The following BCR variants were observed in gnomAD, a reference collection of about 807,000 sequenced individuals.
The protein encoded by BCR is BCR activator of RhoGEF and GTPase.
In BCR, 58 loss-of-function variants were observed where a neutral mutation model predicts 138.6. The observed-to-expected ratio is 0.42, with a 90% CI of 0.34 to 0.52. BCR has a LOEUF of 0.52. BCR is among the 20% of genes least tolerant of loss of function. The pLI is 0.06. For missense variants in BCR, 1,599 were observed against 1,727.2 expected (o/e 0.93, Z 1.32); for synonymous variants, 786 against 730.1 (o/e 1.08, Z -1.23).
At chr22:23,188,536 A>G (rs1201448657) in intron 1 of BCR, among the ~76,000 whole-genome samples, 2 of 152,204 alleles carry the variant, frequency 1.3e-5, no homozygotes, top group African/African-American at 4.8e-5. Flanking sequence ...ACAGCAGTGC[A>G]TGAGGCCCAG....
At chr22:23,222,129 C>G (rs2072831699) in intron 1 of BCR, among the ~76,000 whole-genome samples, 2 of 152,268 alleles carry the variant, frequency 1.3e-5, no homozygotes, top group South Asian at 2.1e-4. Flanking sequence ...TAGCCCTCCC[C>G]GTCTTCTCAC....
intron 1 of BCR, among the ~76,000 whole-genome samples, chr22:23,226,939 T>C (rs556720618): frequency 3.7e-4 from 57 of 152,306 alleles, no homozygotes; most frequent in African/African-American, 1.4e-3. Flanking sequence ...AAGTTAGACT[T>C]GCTTGGTTCA....
chr22:23,254,843 G>A (rs140500), intron 2 of BCR, among the ~76,000 whole-genome samples: 28,329 of 152,020 alleles, frequency 0.19, 2,871 homozygotes, highest in South Asian at 0.27. Context: ...GATTACTTCC[G>A]CACTCTGCTT....
intron 17 of BCR, 129 bp downstream of exon 17, chr22:23,309,612 G>A (rs1488432603): frequency 1.3e-5 from 9 of 703,178 alleles, no homozygotes; most frequent in East Asian, 2.7e-5. Flanking sequence ...GTTGGAGAAG[G>A]GAGGGCCCCC....
At chr22:23,259,447 G>A (rs547261604) in intron 2 of BCR, among the ~76,000 whole-genome samples, 37 of 152,056 alleles carry the variant, frequency 2.4e-4, no homozygotes, top group African/African-American at 7.7e-4. Flanking sequence ...TAGAAGGACC[G>A]CTTGAGCTCA....
chr22:23,228,585 A>T (rs887067982), intron 1 of BCR, among the ~76,000 whole-genome samples: 1 of 152,206 alleles, frequency 6.6e-6, no homozygotes, highest in African/African-American at 2.4e-5. Context: ...TCATCTGAGA[A>T]GGTCTTTATT....
intron 1 of BCR, among the ~76,000 whole-genome samples, chr22:23,200,531 A>C (rs755496898): frequency 5.3e-5 from 8 of 151,758 alleles, no homozygotes; most frequent in Non-Finnish European, 1.2e-4. Context: ...TGCCCAGGCT[A>C]CAAGAGGACT....
chr22:23,262,779 G>T (rs891218647), intron 4 of BCR: 2 of 958,190 alleles, frequency 2.1e-6, no homozygotes, highest in Non-Finnish European at 2.5e-6. Flanking sequence ...AGGGGGAAGC[G>T]AAGGAAGGGG....
intron 14 of BCR, among the ~76,000 whole-genome samples, chr22:23,291,441 A>T (rs889396907): frequency 5.3e-5 from 8 of 151,942 alleles, no homozygotes; most frequent in Admixed American, 1.3e-4. Context: ...TGACATGCAG[A>T]TTGCACCTTC....
At position 23,311,770 on chromosome 22, in the gene BCR, G is replaced by T; in HGVS notation, c.3256G>T (p.Val1086Leu). 2 of 1,611,816 alleles carry T rather than the reference G, an allele frequency of 1.2e-6. No homozygotes were observed. Among genetic ancestry groups the T allele is most frequent in the Non-Finnish European group, 8.5e-7 (1 of 1,179,860 alleles). The change falls in exon 19 of 23, where the codon GTG (valine) becomes TTG (leucine). Residue 1086 changes from valine (V) to leucine (L), a missense_variant. By Grantham distance (32) the Val-to-Leu change is conservative. Transcript: ENST00000305877. ...GATCGAGCGCCGAGGCATGGAGGAG[G>T]TGGGCATCTACCGCGTGTCCGGTGT... ...EEIERRGMEE[V>L]GIYRVSGVAT... is the part of the protein sequence containing the mutation.
Position 23,180,850 on chromosome 22 carries a change from C to CG in BCR, c.-110dup. 1 of 438,164 alleles carries CG rather than the reference C, an allele frequency of 2.3e-6. No homozygotes were observed. The highest frequency in any genetic ancestry group is 2.5e-6 in the Non-Finnish European group (1 of 400,458). The allele number at this position is 438,164 out of a possible 1,614,324, so 27.1% of individuals were successfully genotyped here. Reference sequence around the variant, plus strand: ...GCATTGTTCGCCGCCGCCGCCGCCGCGCGGGCCATGGGGGCCGCCCGGCGC... The same window carrying CG: ...GCATTGTTCGCCGCCGCCGCCGCCGCGGCGGGCCATGGGGGCCGCCCGGCGC... On this transcript the variant is annotated 5_prime_UTR_variant, in exon 1 of 23. Transcript: ENST00000305877.
At chr22:23,273,810 C>T in intron 8 of BCR, 36 bp downstream of exon 8, 1 of 1,611,686 alleles carries the variant, frequency 6.2e-7, no homozygotes, top group South Asian at 1.1e-5. Context: ...GTCCACCCAT[C>T]CTGCTGAGCT....
chr22:23,180,879 G>A lies in BCR; in HGVS notation c.-82G>A, dbSNP rs1422193627. 1 of 774,594 alleles carries A rather than the reference G, an allele frequency of 1.3e-6. No homozygotes were observed. The highest frequency in any genetic ancestry group is 1.4e-6 in the Non-Finnish European group (1 of 707,790). 48.0% of individuals were successfully genotyped at this position (774,594 alleles called of 1,614,324 possible). A position where few individuals can be genotyped will look rare whatever the true frequency, so the allele number is the denominator to read the frequency against. On this transcript the variant is annotated 5_prime_UTR_variant, in exon 1 of 23. Transcript: ENST00000305877. ...GGCCATGGGGGCCGCCCGGCGCCCGGGGCCGGGCTGGCGAGGCGCCGCGCC... is the reference window on the plus strand; with the variant it reads ...GGCCATGGGGGCCGCCCGGCGCCCGAGGCCGGGCTGGCGAGGCGCCGCGCC...
At chr22:23,275,750 C>T (rs1297604995) in intron 8 of BCR, among the ~76,000 whole-genome samples, 1 of 152,162 alleles carries the variant, frequency 6.6e-6, no homozygotes, top group Non-Finnish European at 1.5e-5. Flanking sequence ...TGGGTTCCTG[C>T]CAGGTTCGCC....
intron 19 of BCR, 104 bp from the exon 20 acceptor site, chr22:23,312,783 A>G: frequency 1.4e-6 from 2 of 1,392,546 alleles, no homozygotes; most frequent in East Asian, 2.3e-5. Flanking sequence ...AGGGACCCGC[A>G]CAGTGGTCAG....
At chr22:23,273,572 G>A (rs2073534714) in intron 7 of BCR, 62 bp from the exon 8 acceptor site, 1 of 1,605,810 alleles carries the variant, frequency 6.2e-7, no homozygotes, top group Non-Finnish European at 8.5e-7. Flanking sequence ...TCTGCACTTT[G>A]CACACAGTGG....
At position 23,273,621 on chromosome 22, in the gene BCR, C is replaced by T. The variant is rs1433734388; in HGVS notation, c.1975-13C>T. The stretch of plus-strand genomic sequence containing the variant: ...TCCTCTGTGTCTAACTCAAGTCTTT[C>T]TTCCTGGGGCAGGACTTGCTGAAGC... On this transcript the variant is annotated splice_polypyrimidine_tract_variant and intron_variant, in intron 7 of 22. Transcript: ENST00000305877. 6.2e-7 allele frequency: 1 copy of T among 1,613,358 alleles called. No individual in the cohort carries two copies. Among genetic ancestry groups the T allele is most frequent in the East Asian group, 2.2e-5 (1 of 44,880 alleles).
At chr22:23,212,328 G>A (rs1320047457) in intron 1 of BCR, among the ~76,000 whole-genome samples, 2 of 152,238 alleles carry the variant, frequency 1.3e-5, no homozygotes, top group African/African-American at 4.8e-5. Context: ...TGTGGTCAAA[G>A]TGGGATCCCT....
At chr22:23,197,480 A>G (rs1252843795) in intron 1 of BCR, among the ~76,000 whole-genome samples, 1 of 152,228 alleles carries the variant, frequency 6.6e-6, no homozygotes, top group East Asian at 1.9e-4. Flanking sequence ...CTTTCCAAAT[A>G]GTTTCATTCT....
Sources: allele counts gnomAD v4.1 joint callset (sites outside exome capture counted in the v4.1 genomes callset), GRCh38; gene constraint gnomAD v4.1.1; transcripts MANE v1.5; gene names NCBI Gene and HGNC (gene_info 2026-07-23, HGNC 2026-07-21).